The following LPP variants were observed in gnomAD, a reference collection of about 807,000 sequenced individuals.
The protein encoded by LPP is lipoma-preferred partner.
LPP carries 38 observed loss-of-function variants against 60.4 expected under a neutral mutation model. The observed-to-expected ratio is 0.63, with a 90% confidence interval of 0.49 to 0.83. LPP has a LOEUF of 0.83. Among genes scored for constraint, LPP ranks in the 40% least tolerant of loss-of-function variants. The pLI is 0.00. For missense variants in LPP, 902 were observed against 783.6 expected (o/e 1.15, Z -1.80); for synonymous variants, 328 against 290.8 (o/e 1.13, Z -1.30).
chr3:188,346,707 C>T (rs1014905111), intron 3 of LPP, among the ~76,000 whole-genome samples: 2 of 152,116 alleles, frequency 1.3e-5, no homozygotes. Context: ...TGCAGAACTC[C>T]AGAAAATGCT....
chr3:188,527,660 C>T (rs903019597), intron 6 of LPP, among the ~76,000 whole-genome samples: 5 of 151,886 alleles, frequency 3.3e-5, no homozygotes, highest in Admixed American at 2.0e-4. Context: ...GCAAATGCCC[C>T]AAATCTCATC....
intron 2 of LPP, among the ~76,000 whole-genome samples, chr3:188,257,260 T>G (rs1019895353): frequency 1.3e-5 from 2 of 152,214 alleles, no homozygotes; most frequent in Non-Finnish European, 2.9e-5. Context: ...CTCATAGCTT[T>G]TTTCTGACTG....
At chr3:188,752,661 G>T (rs1728480923) in intron 8 of LPP, among the ~76,000 whole-genome samples, 3 of 152,148 alleles carry the variant, frequency 2.0e-5, no homozygotes, top group African/African-American at 7.2e-5. Flanking sequence ...TAGGGTATAT[G>T]TTGCCCAACT....
intron 8 of LPP, among the ~76,000 whole-genome samples, chr3:188,733,517 G>C (rs947786753): frequency 6.6e-6 from 1 of 152,020 alleles, no homozygotes; most frequent in Non-Finnish European, 1.5e-5. Flanking sequence ...TATTTGAATT[G>C]TTTCATGCAC....
At chr3:188,613,783 C>T (rs1391204624) in intron 7 of LPP, among the ~76,000 whole-genome samples, 1 of 151,882 alleles carries the variant, frequency 6.6e-6, no homozygotes, top group African/African-American at 2.4e-5. Context: ...AGGTAATGAA[C>T]TGTTGTGGTC....
intron 2 of LPP, among the ~76,000 whole-genome samples, chr3:188,327,320 G>GT (rs1243212007): frequency 2.0e-5 from 3 of 152,026 alleles, no homozygotes; most frequent in Non-Finnish European, 4.4e-5. Context: ...TGCCAAAAGT[G>GT]TTTTTTTGGT....
At chr3:188,275,921 G>A (rs1434336325) in intron 2 of LPP, among the ~76,000 whole-genome samples, 1 of 152,096 alleles carries the variant, frequency 6.6e-6, no homozygotes, top group Non-Finnish European at 1.5e-5. Flanking sequence ...TGATCCTCCT[G>A]CCTCAGCCTC....
chr3:188,174,745 C>T (rs1480542010), intron 1 of LPP, among the ~76,000 whole-genome samples: 1 of 152,194 alleles, frequency 6.6e-6, no homozygotes, highest in East Asian at 1.9e-4. Context: ...CCTGCCCTGC[C>T]ATCATTACCT....
At chr3:188,760,362 A>G in intron 9 of LPP, 80 bp downstream of exon 9, 1 of 1,456,702 alleles carries the variant, frequency 6.9e-7, no homozygotes, top group Non-Finnish European at 9.6e-7. Context: ...GATAGAATAT[A>G]GCCATCAGAT....
intron 5 of LPP, among the ~76,000 whole-genome samples, chr3:188,520,149 C>A (rs1264448886): frequency 6.6e-6 from 1 of 152,114 alleles, no homozygotes; most frequent in African/African-American, 2.4e-5. Flanking sequence ...GTTTGGTGAG[C>A]TTTTTATCAC....
chr3:188,792,393 T>C lies in LPP; in HGVS notation c.1410+32111T>C, dbSNP rs539426280. Among the ~76,000 whole-genome samples, 4 of 152,292 alleles carry C rather than the reference T, an allele frequency of 2.6e-5. No homozygotes were observed. In the East Asian group the frequency reaches 7.7e-4, roughly 29 times the overall value. On this transcript the variant is annotated intron_variant, in intron 9 of 11. Transcript: ENST00000617246. ...TTACCGCAAGCTCACTGCCTCCTCC[T>C]CAGATTGTGCCAGACATACCAGGTT...
intron 2 of LPP, among the ~76,000 whole-genome samples, chr3:188,289,748 G>A (rs1391749815): frequency 6.6e-6 from 1 of 152,152 alleles, no homozygotes; most frequent in Non-Finnish European, 1.5e-5. Flanking sequence ...GAACCTGGAT[G>A]TTTAGAGAGA....
chr3:188,271,866 C>T (rs1737851462), intron 2 of LPP, among the ~76,000 whole-genome samples: 1 of 152,128 alleles, frequency 6.6e-6, no homozygotes, highest in Admixed American at 6.5e-5. Flanking sequence ...CAAACTTGTG[C>T]ACAATGGCTC....
chr3:188,735,316 C>T (rs958747906), intron 8 of LPP, among the ~76,000 whole-genome samples: 2 of 151,950 alleles, frequency 1.3e-5, no homozygotes, highest in African/African-American at 2.4e-5. Context: ...GGTTAAGTCA[C>T]ATTTATTGTG....
At chr3:188,804,489 A>G (rs990359747) in intron 9 of LPP, among the ~76,000 whole-genome samples, 17 of 151,534 alleles carry the variant, frequency 1.1e-4, no homozygotes, top group Non-Finnish European at 1.2e-4. Context: ...TGAGGGTTGA[A>G]AAAATACCTA....
intron 1 of LPP, among the ~76,000 whole-genome samples, chr3:188,225,125 T>G (rs935243932): frequency 1.3e-5 from 2 of 152,208 alleles, no homozygotes; most frequent in African/African-American, 4.8e-5. Flanking sequence ...CCCTACAATT[T>G]GAGTATCTAA....
At chr3:188,679,061 T>C (rs1053623095) in intron 7 of LPP, among the ~76,000 whole-genome samples, 1 of 152,176 alleles carries the variant, frequency 6.6e-6, no homozygotes, top group Non-Finnish European at 1.5e-5. Context: ...TTCAGAGGTA[T>C]TGGGAGAGGA....
chr3:188,456,725 A>G (rs1797822728), intron 4 of LPP, among the ~76,000 whole-genome samples: 1 of 152,254 alleles, frequency 6.6e-6, no homozygotes, highest in African/African-American at 2.4e-5. Flanking sequence ...CAGCTAAACA[A>G]ATGGAGCTGA....
At chr3:188,482,288 C>G (rs1281548374) in intron 4 of LPP, among the ~76,000 whole-genome samples, 3 of 152,142 alleles carry the variant, frequency 2.0e-5, no homozygotes, top group African/African-American at 4.8e-5. Context: ...AGTGAGAGAA[C>G]AGACTCATAC....
Sources: allele counts gnomAD v4.1 joint callset (sites outside exome capture counted in the v4.1 genomes callset), GRCh38; gene constraint gnomAD v4.1.1; transcripts MANE v1.5; gene names NCBI Gene and HGNC (gene_info 2026-07-23, HGNC 2026-07-21).